The following NOSTRIN variants were observed in gnomAD, a reference collection of about 807,000 sequenced individuals.
The protein encoded by NOSTRIN is nitric oxide synthase trafficking.
A neutral mutation model predicts 59.0 loss-of-function variants in NOSTRIN; 63 were observed. The ratio of observed to expected loss-of-function variants is 1.07; its 90% CI spans 0.87 to 1.32. NOSTRIN has a LOEUF of 1.32. NOSTRIN is among the 40% of genes most tolerant of loss of function. The pLI is 0.00. For synonymous variants in NOSTRIN, 200 were observed against 165.4 expected, an observed-to-expected ratio of 1.21 and a Z score of -1.61; for missense variants, 512 against 473.1, an observed-to-expected ratio of 1.08 and a Z score of -0.76.
chr2:168,798,774 A>T (rs1261398932), upstream of NOSTRIN, among the ~76,000 whole-genome samples: 1 of 151,512 alleles, frequency 6.6e-6, no homozygotes, highest in Non-Finnish European at 1.5e-5. Flanking sequence ...TGTGAATGGC[A>T]TACCTTCTTG....
intron 2 of NOSTRIN, among the ~76,000 whole-genome samples, chr2:168,822,107 T>G (rs1375980166): frequency 6.6e-6 from 1 of 152,162 alleles, no homozygotes; most frequent in Non-Finnish European, 1.5e-5. Context: ...CCAGCACTCT[T>G]TTTCTCTCCT....
At chr2:168,848,386 C>T (rs1029756730) in intron 8 of NOSTRIN, among the ~76,000 whole-genome samples, 4 of 152,218 alleles carry the variant, frequency 2.6e-5, no homozygotes, top group African/African-American at 9.6e-5. Context: ...AATTGGGCAG[C>T]TTCAGAGGCA....
At chr2:168,805,916 G>T (rs532109497) in intron 1 of NOSTRIN, among the ~76,000 whole-genome samples, 2 of 152,200 alleles carry the variant, frequency 1.3e-5, no homozygotes, top group African/African-American at 2.4e-5. Context: ...AGCCTCCCCA[G>T]TGTGCATCAG....
At chr2:168,840,542 A>AAAAC (rs1446208206) in intron 7 of NOSTRIN, among the ~76,000 whole-genome samples, 2 of 151,034 alleles carry the variant, frequency 1.3e-5, no homozygotes, top group Non-Finnish European at 2.9e-5. Context: ...AAAAAAAAAA[A>AAAAC]AAAAAAAAAC....
At chr2:168,799,524 G>A (rs1170515504), upstream of NOSTRIN, among the ~76,000 whole-genome samples, 1 of 152,270 alleles carries the variant, frequency 6.6e-6, no homozygotes, top group Admixed American at 6.5e-5. Context: ...CTCAGTGGCT[G>A]AAGACAACTT....
intron 8 of NOSTRIN, among the ~76,000 whole-genome samples, chr2:168,850,658 A>G (rs774253240): frequency 1.6e-4 from 24 of 150,620 alleles, no homozygotes; most frequent in Non-Finnish European, 3.2e-4. Context: ...CATGCCTGTA[A>G]TCCTAGCACT....
chr2:168,847,135 T>TA (rs1393474633), intron 8 of NOSTRIN, among the ~76,000 whole-genome samples: 1 of 152,196 alleles, frequency 6.6e-6, no homozygotes, highest in Non-Finnish European at 1.5e-5. Context: ...TTTCAGAGAC[T>TA]AATGGCACGG....
At chr2:168,841,430 C>T (rs976684228) in intron 7 of NOSTRIN, among the ~76,000 whole-genome samples, 2 of 152,000 alleles carry the variant, frequency 1.3e-5, no homozygotes, top group Non-Finnish European at 2.9e-5. Context: ...TTACTGTACA[C>T]TGATTTTCCA....
chr2:168,833,218 G>A (rs1238828416), intron 6 of NOSTRIN, among the ~76,000 whole-genome samples: 2 of 152,136 alleles, frequency 1.3e-5, no homozygotes, highest in South Asian at 2.1e-4. Context: ...TAGTCTATTT[G>A]GGAGACTCTA....
intron 1 of NOSTRIN, among the ~76,000 whole-genome samples, chr2:168,808,143 C>T (rs1003160239): frequency 2.0e-4 from 30 of 152,208 alleles, no homozygotes; most frequent in African/African-American, 7.2e-4. Flanking sequence ...GCAGCAGCCC[C>T]TGTAACCCAA....
chr2:168,788,892 A>AAGATAGAT (rs4000833), intron 2 of NOSTRIN, among the ~76,000 whole-genome samples: 10,422 of 148,316 alleles, frequency 0.07, 386 homozygotes, highest in East Asian at 0.11. Flanking sequence ...CACAGATAAA[A>AAGATAGAT]AGATAGATAG....
At chr2:168,799,736 C>G (rs948674952), upstream of NOSTRIN, among the ~76,000 whole-genome samples, 2 of 152,182 alleles carry the variant, frequency 1.3e-5, no homozygotes, top group Non-Finnish European at 2.9e-5. Context: ...ACGTGTCACC[C>G]CAGGCTGGAT....
chr2:168,839,760 C>T (rs1375530987), intron 7 of NOSTRIN, among the ~76,000 whole-genome samples: 1 of 151,328 alleles, frequency 6.6e-6, no homozygotes, highest in Non-Finnish European at 1.5e-5. Context: ...GTGGCACATG[C>T]CTGTAATCCC....
upstream of NOSTRIN, among the ~76,000 whole-genome samples, chr2:168,799,692 T>G (rs972525828): frequency 1.3e-5 from 2 of 152,172 alleles, no homozygotes; most frequent in African/African-American, 4.8e-5. Context: ...GTCCTCTTAT[T>G]TCTCTTCCTA....
At chr2:168,799,110 A>G (rs1238200328), upstream of NOSTRIN, among the ~76,000 whole-genome samples, 1 of 152,184 alleles carries the variant, frequency 6.6e-6, no homozygotes, top group Non-Finnish European at 1.5e-5. Flanking sequence ...AATTCTTGGC[A>G]AACAACTCAG....
chr2:168,835,583 G>C (rs1235701610), intron 7 of NOSTRIN, among the ~76,000 whole-genome samples: 3 of 152,092 alleles, frequency 2.0e-5, no homozygotes, highest in African/African-American at 7.2e-5. Flanking sequence ...TAAGATATTT[G>C]TGCATTTTGT....
chr2:168,832,408 A>G (rs1442538473), intron 6 of NOSTRIN, among the ~76,000 whole-genome samples: 1 of 152,218 alleles, frequency 6.6e-6, no homozygotes, highest in Non-Finnish European at 1.5e-5. Context: ...ACAAGATTCA[A>G]TGAACCCCTC....
intron 2 of NOSTRIN, among the ~76,000 whole-genome samples, chr2:168,788,856 T>A (rs1373135811): frequency 6.6e-6 from 1 of 151,816 alleles, no homozygotes; most frequent in Non-Finnish European, 1.5e-5. Context: ...TGCATTTACC[T>A]GTGAGTATGT....
chr2:168,858,447 C>A (rs1689247233), intron 12 of NOSTRIN, among the ~76,000 whole-genome samples: 1 of 152,204 alleles, frequency 6.6e-6, no homozygotes, highest in South Asian at 2.1e-4. Context: ...TTCATTATAT[C>A]TTGGTCCTTG....
Sources: gnomAD v4.1 joint callset for allele counts (sites outside exome capture counted in the v4.1 genomes callset) on GRCh38, gnomAD v4.1.1 for gene constraint, MANE v1.5 for transcripts, NCBI Gene and HGNC (gene_info 2026-07-23, HGNC 2026-07-21) for gene names.